Variants in NAALADL2 observed in about 807,000 individuals in gnomAD.
The protein encoded by NAALADL2 is inactive N-acetylated-alpha-linked acidic dipeptidase-like protein 2.
Under a neutral mutation model 87.2 loss-of-function variants are expected in NAALADL2, and 76 were observed. The observed-to-expected ratio is 0.87, with a 90% CI of 0.72 to 1.05. The LOEUF (loss-of-function observed/expected upper bound fraction) is 1.05. NAALADL2 is among the 50% of genes least tolerant of loss of function. The pLI is 0.00. For missense variants in NAALADL2, 1,089 were observed against 945.8 expected, an observed-to-expected ratio of 1.15 and a Z score of -1.99; for synonymous variants, 354 against 331.0, an observed-to-expected ratio of 1.07 and a Z score of -0.75.
At chr3:175,440,344 C>A (rs923118283) in intron 5 of NAALADL2, among the ~76,000 whole-genome samples, 1 of 152,052 alleles carries the variant, frequency 6.6e-6, no homozygotes, top group Non-Finnish European at 1.5e-5. Flanking sequence ...GTTCTTTTTG[C>A]TCAGTCTTGC....
intron 2 of NAALADL2, among the ~76,000 whole-genome samples, chr3:175,210,538 A>G (rs1262403689): frequency 6.6e-6 from 1 of 151,788 alleles, no homozygotes; most frequent in Non-Finnish European, 1.5e-5. Context: ...TATATATTAA[A>G]TCTTACTTAT....
Position 175,805,607 on chromosome 3 carries a change from T to C in NAALADL2, c.*2404T>C, listed in dbSNP as rs953099606. On this transcript the variant is annotated 3_prime_UTR_variant, in exon 14 of 14. Transcript: ENST00000454872. ...ACTCCCCTCCCCTCCCCACCCCCAA[T>C]AGATTCAAATAAATAAAATCCTGAG... 1.4e-5 allele frequency: 2 copies of C among 145,370 alleles called. No homozygotes were observed. The highest frequency in any genetic ancestry group is 2.5e-5 in the African/African-American group (1 of 40,302). 9.0% of individuals were successfully genotyped at this position (145,370 alleles called of 1,614,324 possible).
chr3:174,730,466 A>T (rs147548981), intron 2 of NAALADL2, among the ~76,000 whole-genome samples: 65 of 152,216 alleles, frequency 4.3e-4, no homozygotes, highest in African/African-American at 1.5e-3. Flanking sequence ...CTTTTCCTAT[A>T]TTCTATAGAT....
Position 175,704,848 on chromosome 3 carries a change from G to A in NAALADL2, c.1897-32458G>A, listed in dbSNP as rs960908612. ...CTAGAATCTGTCTTTGAAGTCCAGG[G>A]TCTGTGAGGAACTAAAAGTTTCATG... is the stretch of plus-strand genomic sequence containing the variant. On this transcript the variant is annotated intron_variant, in intron 11 of 13. Coordinates refer to ENST00000454872, the MANE Select transcript of NAALADL2 (RefSeq NM_207015.3). Among the ~76,000 whole-genome samples the A allele has an allele frequency of 3.0e-4, 46 of 152,174 alleles. 1 individual carries two copies. The highest frequency in any genetic ancestry group is 1.2e-4 in the Non-Finnish European group (8 of 68,028).
intron 11 of NAALADL2, among the ~76,000 whole-genome samples, chr3:175,640,382 C>T (rs558122088): frequency 1.3e-5 from 2 of 152,218 alleles, no homozygotes; most frequent in African/African-American, 4.8e-5. Flanking sequence ...TTTTTTCCCT[C>T]ATGTTACAAA....
At chr3:175,203,097 T>C (rs1170458493) in intron 2 of NAALADL2, among the ~76,000 whole-genome samples, 8 of 152,134 alleles carry the variant, frequency 5.3e-5, no homozygotes, top group Admixed American at 5.2e-4. Context: ...CCCACACCTA[T>C]GGAGTCTGCA....
intron 2 of NAALADL2, among the ~76,000 whole-genome samples, chr3:174,707,342 C>A (rs1730177146): frequency 1.3e-5 from 2 of 152,138 alleles, no homozygotes; most frequent in African/African-American, 2.4e-5. Context: ...AAGACACATG[C>A]ACACGTATGT....
At chr3:175,228,434 T>C (rs1744467670) in intron 2 of NAALADL2, among the ~76,000 whole-genome samples, 1 of 151,704 alleles carries the variant, frequency 6.6e-6, no homozygotes, top group East Asian at 1.9e-4. Flanking sequence ...AAAACGCATA[T>C]ATGCTGAATA....
chr3:174,901,893 A>C (rs1394191770), intron 1 of NAALADL2, among the ~76,000 whole-genome samples: 3 of 152,212 alleles, frequency 2.0e-5, no homozygotes, highest in African/African-American at 7.2e-5. Flanking sequence ...CCCCAGGATT[A>C]GCTTCCTTAC....
chr3:174,766,504 A>G (rs1178196360), intron 3 of NAALADL2, among the ~76,000 whole-genome samples: 2 of 152,192 alleles, frequency 1.3e-5, no homozygotes, highest in Non-Finnish European at 2.9e-5. Context: ...AAGCAAAGCT[A>G]TAAACTTAAT....
intron 2 of NAALADL2, among the ~76,000 whole-genome samples, chr3:174,692,548 C>T (rs1300703692): frequency 1.3e-5 from 2 of 152,092 alleles, no homozygotes; most frequent in Admixed American, 1.3e-4. Context: ...GCTGCTCATT[C>T]CTCATGCTGC....
intron 1 of NAALADL2, among the ~76,000 whole-genome samples, chr3:174,460,756 T>A (rs765041489): frequency 1.3e-5 from 2 of 152,112 alleles, no homozygotes; most frequent in African/African-American, 4.8e-5. Flanking sequence ...CCCATTTCTC[T>A]GTTGTTGAAC....
intron 1 of NAALADL2, among the ~76,000 whole-genome samples, chr3:174,538,257 C>G (rs1453301663): frequency 6.6e-6 from 1 of 152,016 alleles, no homozygotes; most frequent in African/African-American, 2.4e-5. Context: ...TTGAATGGGC[C>G]CCTCCTGTTG....
intron 1 of NAALADL2, among the ~76,000 whole-genome samples, chr3:175,029,049 T>TTATATA (rs57707474): frequency 5.7e-4 from 80 of 141,330 alleles, no homozygotes; most frequent in Admixed American, 1.9e-3. Flanking sequence ...TATATTAAAA[T>TTATATA]TATATATATA....
intron 2 of NAALADL2, among the ~76,000 whole-genome samples, chr3:174,607,584 T>C (rs527251345): frequency 2.0e-5 from 3 of 151,092 alleles, no homozygotes; most frequent in Admixed American, 2.0e-4. Context: ...CATTACATAA[T>C]GGTAAAGGGA....
chr3:174,610,108 C>A (rs948552040), intron 2 of NAALADL2, among the ~76,000 whole-genome samples: 3 of 151,226 alleles, frequency 2.0e-5, no homozygotes, highest in African/African-American at 7.3e-5. Flanking sequence ...ACTGGCTAGC[C>A]ATATGTAGAA....
At chr3:174,778,186 T>A (rs1246729700) in intron 3 of NAALADL2, among the ~76,000 whole-genome samples, 1 of 152,134 alleles carries the variant, frequency 6.6e-6, no homozygotes, top group African/African-American at 2.4e-5. Flanking sequence ...TAGGATGGAC[T>A]CTAAGTTTTA....
intron 3 of NAALADL2, among the ~76,000 whole-genome samples, chr3:174,822,327 T>C (rs1047656100): frequency 6.6e-6 from 1 of 152,186 alleles, no homozygotes; most frequent in Non-Finnish European, 1.5e-5. Context: ...ATTTTTATGA[T>C]GTAAAAATGC....
chr3:175,452,707 G>A (rs1426579950), intron 6 of NAALADL2, among the ~76,000 whole-genome samples: 1 of 152,176 alleles, frequency 6.6e-6, no homozygotes, highest in East Asian at 1.9e-4. Flanking sequence ...TGAGGTAGGA[G>A]CTGATAACGG....
Sources: gnomAD v4.1 joint callset for allele counts (sites outside exome capture counted in the v4.1 genomes callset) on GRCh38, gnomAD v4.1.1 for gene constraint, MANE v1.5 for transcripts, NCBI Gene and HGNC (gene_info 2026-07-23, HGNC 2026-07-21) for gene names.